SYNE2: variants seen among roughly 807,000 people sequenced by gnomAD.
SYNE2 encodes nesprin-2.
SYNE2 carries 431 observed loss-of-function variants against 856.3 expected under a neutral mutation model. The ratio of observed to expected loss-of-function variants is 0.50; its 90% CI spans 0.47 to 0.55. The LOEUF (loss-of-function observed/expected upper bound fraction) is 0.55, where lower values mean the gene tolerates loss of function less well. Ranked by LOEUF, SYNE2 falls within the 20% of genes least tolerant of loss-of-function variation. The pLI, the probability that SYNE2 is intolerant of heterozygous loss-of-function variation, is 0.00. For synonymous variants in SYNE2, 2,923 were observed against 2,872.3 expected, an observed-to-expected ratio of 1.02 and a Z score of -0.56; for missense variants, 8,129 against 8,023.2, an observed-to-expected ratio of 1.01 and a Z score of -0.50.
intron 45 of SYNE2, among the ~76,000 whole-genome samples, chr14:64,044,765 C>T (rs1170284463): frequency 6.6e-6 from 1 of 152,158 alleles, no homozygotes; most frequent in Non-Finnish European, 1.5e-5. Context: ...CTCTTTCTTT[C>T]TGCCTGCCGC....
chr14:64,135,344 G>C (rs1446471221), intron 78 of SYNE2, among the ~76,000 whole-genome samples: 3 of 152,104 alleles, frequency 2.0e-5, no homozygotes, highest in Non-Finnish European at 4.4e-5. Flanking sequence ...TTTCCATGGA[G>C]GTATTTTAAC....
chr14:64,114,186 C>A (rs1002385041), intron 66 of SYNE2, among the ~76,000 whole-genome samples: 1 of 152,186 alleles, frequency 6.6e-6, no homozygotes, highest in Non-Finnish European at 1.5e-5. Flanking sequence ...GGGATATAAA[C>A]TTCCTTGCCG....
chr14:64,013,760 G>A (rs1030754123), intron 32 of SYNE2, among the ~76,000 whole-genome samples: 7 of 151,980 alleles, frequency 4.6e-5, no homozygotes, highest in Admixed American at 1.3e-4. Flanking sequence ...CCCAGTTATT[G>A]ATTTTTCATT....
At chr14:63,974,878 G>GTATA (rs1566949539) in intron 11 of SYNE2, among the ~76,000 whole-genome samples, 9 of 29,350 alleles carry the variant, frequency 3.1e-4, no homozygotes, top group African/African-American at 7.9e-4. Context: ...GTGTGTGTGT[G>GTATA]TGTGTGTGTG....
intron 57 of SYNE2, among the ~76,000 whole-genome samples, chr14:64,086,812 C>T (rs571145876): frequency 2.0e-4 from 29 of 142,686 alleles, no homozygotes; most frequent in African/African-American, 7.3e-4. Flanking sequence ...TGGGTTCAAG[C>T]GATTCTCCTG....
chr14:64,161,626 C>T (rs1045799105), intron 87 of SYNE2, among the ~76,000 whole-genome samples: 1 of 151,476 alleles, frequency 6.6e-6, no homozygotes, highest in Admixed American at 6.6e-5. Context: ...TGGCTCACAC[C>T]TATAATCCCA....
intron 84 of SYNE2, among the ~76,000 whole-genome samples, chr14:64,150,007 C>CTTTTTTTTT (rs755126549): frequency 2.1e-5 from 2 of 94,416 alleles, no homozygotes; most frequent in African/African-American, 4.2e-5. Flanking sequence ...TTTTTCTTTT[C>CTTTTTTTTT]TTTTTTTTTT....
Position 64,139,926 on chromosome 14 carries a change from C to T in SYNE2, c.14844-15C>T. On this transcript the variant is annotated splice_polypyrimidine_tract_variant and intron_variant, in intron 79 of 115. Coordinates refer to ENST00000555002, the MANE Select transcript of SYNE2 (RefSeq NM_182914.3). ...TGTTTCTAATCTGCCTTCTCTCTCA[C>T]TTTGCTCCTGTTAGTTATAACAGAG... 1.2e-6 allele frequency: 2 copies of T among 1,613,934 alleles called. No homozygotes were observed. The highest frequency in any genetic ancestry group is 1.7e-6 in the Non-Finnish European group (2 of 1,179,900).
At chr14:64,009,875 T>G (rs2096830180) in intron 31 of SYNE2, 91 bp from the exon 32 acceptor site, 1 of 1,168,904 alleles carries the variant, frequency 8.6e-7, no homozygotes, top group Admixed American at 1.9e-5. Context: ...CCTTTACACC[T>G]TATTCATCAT....
chr14:64,022,864 G>A lies in SYNE2; in HGVS notation c.5637+1G>A, dbSNP rs1175866770. On this transcript the variant is annotated splice_donor_variant, in intron 38 of 115. Transcript: ENST00000555002. LOFTEE classifies it high-confidence loss of function. ...GGAACAAAAGCTACAAAAACTTTCT[G>A]TAAGAGATATATGTGTATTTTTAAT... 1 of 1,501,676 alleles carries A rather than the reference G, an allele frequency of 6.7e-7. No individual in the cohort carries two copies. Among genetic ancestry groups the A allele is most frequent in the South Asian group, 1.1e-5 (1 of 87,684 alleles). The allele number at this position is 1,501,676 out of a possible 1,614,324, so 93.0% of individuals were successfully genotyped here. A position where few individuals can be genotyped will look rare whatever the true frequency, so the allele number is the denominator to read the frequency against.
upstream of SYNE2, chr14:63,848,150 T>A (rs1343394537): frequency 1.3e-5 from 2 of 152,062 alleles, no homozygotes; most frequent in Non-Finnish European, 2.9e-5. Flanking sequence ...ACCTCCCAAA[T>A]TGCTGGGATT....
chr14:64,017,874 C>T (rs1250807185), intron 34 of SYNE2, 118 bp downstream of exon 34: 4 of 1,030,476 alleles, frequency 3.9e-6, no homozygotes, highest in Non-Finnish European at 5.9e-6. Flanking sequence ...TCAAGAAAAT[C>T]ACAGACATTT....
intron 39 of SYNE2, 105 bp from the exon 40 acceptor site, chr14:64,024,807 C>T: frequency 8.6e-7 from 1 of 1,165,910 alleles, no homozygotes; most frequent in Non-Finnish European, 1.3e-6. Flanking sequence ...TTATAACAAA[C>T]ATATTATAAA....
At chr14:63,916,949 G>T (rs770246892) in intron 2 of SYNE2, among the ~76,000 whole-genome samples, 1 of 152,018 alleles carries the variant, frequency 6.6e-6, no homozygotes, top group East Asian at 1.9e-4. Flanking sequence ...AATTAGCTGG[G>T]CATGGCAACA....
At chr14:63,793,464 A>C (rs1056151323) in intron 1 of SYNE2, among the ~76,000 whole-genome samples, 1 of 152,222 alleles carries the variant, frequency 6.6e-6, no homozygotes, top group Non-Finnish European at 1.5e-5. Flanking sequence ...ACTGCAGATA[A>C]ATTCTGCCAT....
At chr14:64,144,403 T>C (rs1413412933) in intron 83 of SYNE2, among the ~76,000 whole-genome samples, 2 of 152,228 alleles carry the variant, frequency 1.3e-5, no homozygotes, top group African/African-American at 4.8e-5. Flanking sequence ...AAAAATACTT[T>C]ACATATAATC....
At position 64,165,547 on chromosome 14, in the gene SYNE2, C is replaced by G. The variant is rs1315512289; in HGVS notation, c.16605+137C>G. ...TTTTTTTTTGAGACGGACTCTCGCT[C>G]TGTCACCCAGGCTGGAGTGCAGTGG... On this transcript the variant is annotated intron_variant, in intron 90 of 115. Transcript: ENST00000555002. The G allele has an allele frequency of 6.2e-6, 6 of 963,566 alleles. No homozygotes were observed. In the African/African-American group the frequency reaches 8.7e-5, roughly 14 times the overall value. The allele number at this position is 963,566 out of a possible 1,614,324, so 59.7% of individuals were successfully genotyped here.
intron 49 of SYNE2, among the ~76,000 whole-genome samples, chr14:64,057,685 G>A (rs576770678): frequency 2.6e-5 from 4 of 152,056 alleles, no homozygotes; most frequent in Admixed American, 2.6e-4. Flanking sequence ...GTTTTTTTGA[G>A]GACCCTCCAA....
chr14:63,998,382 C>A, intron 26 of SYNE2, 54 bp downstream of exon 26: 1 of 1,201,226 alleles, frequency 8.3e-7, no homozygotes, highest in Non-Finnish European at 1.2e-6. Context: ...TTCATCGATG[C>A]AAACATGTTA....
Sources: gnomAD v4.1 joint callset for allele counts (sites outside exome capture counted in the v4.1 genomes callset) on GRCh38, gnomAD v4.1.1 for gene constraint, MANE v1.5 for transcripts, NCBI Gene and HGNC (gene_info 2026-07-23, HGNC 2026-07-21) for gene names.